CEP43: variants seen among roughly 807,000 people sequenced by gnomAD.
CEP43 encodes the protein FGFR1 oncogene partner.
In CEP43, 36 loss-of-function variants were observed where a neutral mutation model predicts 52.6. That is an observed-to-expected ratio of 0.68 (90% CI 0.52 to 0.90). The LOEUF is 0.90. Ranked by LOEUF, CEP43 falls within the 40% of genes least tolerant of loss-of-function variation. The pLI is 0.00. For missense variants in CEP43, 506 were observed against 472.8 expected (o/e 1.07, Z -0.65); for synonymous variants, 192 against 172.4 (o/e 1.11, Z -0.89).
Position 167,049,682 on chromosome 6 carries a change from G to C in CEP43, c.*9704G>C, listed in dbSNP as rs777412627. Reference sequence around the variant, plus strand: ...ACAGTGCTAAGCACATTCATATGCAGTGTTTGTGTAGATATATAATATGCT... The same window carrying C: ...ACAGTGCTAAGCACATTCATATGCACTGTTTGTGTAGATATATAATATGCT... On this transcript the variant is annotated 3_prime_UTR_variant, in exon 13 of 13. Transcript: ENST00000366847. 7.9e-5 allele frequency: 12 copies of C among 152,188 alleles called. No individual in the cohort carries two copies. Among genetic ancestry groups the C allele is most frequent in the Non-Finnish European group, 1.3e-4 (9 of 68,044 alleles). The allele number at this position is 152,188 out of a possible 1,614,324, so 9.4% of individuals were successfully genotyped here. A position where few individuals can be genotyped will look rare whatever the true frequency, so the allele number is the denominator to read the frequency against.
At chr6:167,003,625 C>A in intron 3 of CEP43, 98 bp from the exon 4 acceptor site, 5 of 684,584 alleles carry the variant, frequency 7.3e-6, no homozygotes, top group East Asian at 5.6e-5. Flanking sequence ...ATTTAGAAAC[C>A]TTTCTTCCAT....
Position 167,024,850 on chromosome 6 carries a change from G to A in CEP43, c.875G>A (p.Gly292Glu), listed in dbSNP as rs148535456. 1.5e-3 allele frequency: 2,355 copies of A among 1,612,234 alleles called. 4 individuals are homozygous for A. The highest frequency in any genetic ancestry group is 1.8e-3 in the Non-Finnish European group (2,072 of 1,178,824). The part of the protein sequence containing the change: ...SLSDAPPLKS[G>E]LSSLAGAPSL... ...TCGGATGCACCCCCCTTAAAAAGTG[G>A]ACTCAGCTCCCTGGCGGGAGCCCCT... The change falls in exon 9 of 13, where the codon GGA becomes GAA. Residue 292 changes from glycine to glutamate, a missense_variant. Coordinates refer to ENST00000366847, the MANE Select transcript of CEP43 (RefSeq NM_007045.4).
At chr6:167,039,199 G>A (rs1434124021) in intron 12 of CEP43, among the ~76,000 whole-genome samples, 5 of 151,854 alleles carry the variant, frequency 3.3e-5, no homozygotes, top group Admixed American at 1.3e-4. Flanking sequence ...GTGCAATTTC[G>A]GCTCACTCCA....
In CEP43 at chr6:167,041,256, G is replaced by A. The variant is rs555863991; in HGVS notation, c.*1278G>A. The A allele has an allele frequency of 9.5e-7, 1 of 1,048,192 alleles. No individual in the cohort carries two copies. Among genetic ancestry groups the A allele is most frequent in the South Asian group, 4.6e-5 (1 of 21,848 alleles). The allele number at this position is 1,048,192 out of a possible 1,614,324, so 64.9% of individuals were successfully genotyped here. On this transcript the variant is annotated 3_prime_UTR_variant, in exon 13 of 13. Coordinates refer to ENST00000366847, the MANE Select transcript of CEP43 (RefSeq NM_007045.4). ...TAAATATTACAGAAATTACTCCTTG[G>A]GCTCTAAAATGTAGAGGAAATGAAA...
intron 12 of CEP43, chr6:167,036,527 G>A (rs1027133395): frequency 4.1e-6 from 4 of 985,452 alleles, no homozygotes; most frequent in Non-Finnish European, 4.8e-6. Context: ...ACATAAGTGT[G>A]CATCCCAGGT....
intron 7 of CEP43, among the ~76,000 whole-genome samples, chr6:167,016,698 A>T (rs4710171): frequency 2.6e-3 from 393 of 152,096 alleles, no homozygotes; most frequent in Admixed American, 6.0e-3. Flanking sequence ...TCCCTGTCAC[A>T]CTCTCACACC....
Position 166,999,402 on chromosome 6 carries a change from G to A in CEP43, c.-11G>A. 6.8e-7 allele frequency: 1 copy of A among 1,465,408 alleles called. No homozygotes were observed. The highest frequency in any genetic ancestry group is 9.1e-7 in the Non-Finnish European group (1 of 1,104,588). 90.8% of individuals were successfully genotyped at this position (1,465,408 alleles called of 1,614,324 possible). ...TTAGCGCGGCTTCGGCGGTTGTCTT[G>A]GAGAAGCAAGATGGCGGCGACGGCG... On this transcript the variant is annotated 5_prime_UTR_variant, in exon 1 of 13. Coordinates refer to ENST00000366847, the MANE Select transcript of CEP43 (RefSeq NM_007045.4).
intron 5 of CEP43, among the ~76,000 whole-genome samples, chr6:167,007,647 G>C (rs1368341666): frequency 6.6e-6 from 1 of 152,140 alleles, no homozygotes; most frequent in Non-Finnish European, 1.5e-5. Context: ...TAAAAAATTA[G>C]AGCTTTTATT....
chr6:167,032,302 A>G (rs972411645), intron 10 of CEP43, among the ~76,000 whole-genome samples: 3 of 152,242 alleles, frequency 2.0e-5, no homozygotes, highest in South Asian at 2.1e-4. Flanking sequence ...TGCTATTGCT[A>G]TACGCCATTA....
intron 1 of CEP43, 165 bp downstream of exon 1, chr6:166,999,679 A>AG: frequency 4.1e-6 from 2 of 490,592 alleles, no homozygotes; most frequent in Non-Finnish European, 3.5e-6. Context: ...CGCCCCACAG[A>AG]GGGGGTCGGC....
chr6:167,041,697 C>T lies in CEP43; in HGVS notation c.*1719C>T, dbSNP rs1356860230. The T allele has an allele frequency of 2.9e-5, 30 of 1,039,382 alleles. No individual in the cohort carries two copies. Among genetic ancestry groups the T allele is most frequent in the Admixed American group, 2.3e-4 (4 of 17,756 alleles). 64.4% of individuals were successfully genotyped at this position (1,039,382 alleles called of 1,614,324 possible). ...TGGCTTTTTAAATTTATGAAACTTT[C>T]GAACAGTAGCAACTGAAATTTGTCA... On this transcript the variant is annotated 3_prime_UTR_variant, in exon 13 of 13. Transcript: ENST00000366847.
At chr6:167,016,585 A>G (rs1339558099) in intron 7 of CEP43, among the ~76,000 whole-genome samples, 1 of 152,182 alleles carries the variant, frequency 6.6e-6, no homozygotes, top group African/African-American at 2.4e-5. Flanking sequence ...TTTTAAAACT[A>G]ACATGTATTG....
chr6:167,045,365 C>CCA lies in CEP43; in HGVS notation c.*5388_*5389insAC, dbSNP rs1554277478. 6.6e-6 allele frequency: 1 copy of CCA among 151,382 alleles called. No individual in the cohort carries two copies. Among genetic ancestry groups the CCA allele is most frequent in the East Asian group, 2.0e-4 (1 of 5,022 alleles). 9.4% of individuals were successfully genotyped at this position (151,382 alleles called of 1,614,324 possible). A position where few individuals can be genotyped will look rare whatever the true frequency, so the allele number is the denominator to read the frequency against. On this transcript the variant is annotated 3_prime_UTR_variant, in exon 13 of 13. Coordinates refer to ENST00000366847, the MANE Select transcript of CEP43 (RefSeq NM_007045.4). ...GTGATCCGCACCCCTCCCCGCCCCC[C>CCA]CCGCGGCCCAGCCTCCCAAAGTGCT...
chr6:167,004,453 T>C, intron 5 of CEP43, 52 bp downstream of exon 5: 2 of 1,514,354 alleles, frequency 1.3e-6, no homozygotes, highest in Non-Finnish European at 8.9e-7. Flanking sequence ...GGCTGCTTAG[T>C]TTAGCCATGC....
chr6:167,022,267 C>CACAT (rs1780252751), intron 7 of CEP43, 142 bp from the exon 8 acceptor site: 2 of 596,682 alleles, frequency 3.4e-6, no homozygotes, highest in Non-Finnish European at 2.9e-6. Flanking sequence ...CCAACACACA[C>CACAT]ACACACACAC....
chr6:167,034,660 G>A (rs1030723913), intron 12 of CEP43, among the ~76,000 whole-genome samples: 3 of 151,908 alleles, frequency 2.0e-5, no homozygotes, highest in Non-Finnish European at 2.9e-5. Context: ...TTGTCACACA[G>A]GGAGAAGGCC....
Position 167,048,759 on chromosome 6 carries a change from A to G in CEP43, c.*8781A>G, listed in dbSNP as rs1029296249. 2.6e-5 allele frequency: 4 copies of G among 152,232 alleles called. No individual in the cohort carries two copies. Among genetic ancestry groups the G allele is most frequent in the African/African-American group, 9.6e-5 (4 of 41,464 alleles). 9.4% of individuals were successfully genotyped at this position (152,232 alleles called of 1,614,324 possible). A position where few individuals can be genotyped will look rare whatever the true frequency, so the allele number is the denominator to read the frequency against. On this transcript the variant is annotated 3_prime_UTR_variant, in exon 13 of 13. Transcript: ENST00000366847. The stretch of plus-strand genomic sequence containing the variant: ...AAATAACATAAAACTGTAATATGCC[A>G]TTATGATGACATTAATGAAAAATTG...
intron 5 of CEP43, among the ~76,000 whole-genome samples, chr6:167,009,788 A>C (rs1779945301): frequency 6.6e-6 from 1 of 152,018 alleles, no homozygotes; most frequent in Non-Finnish European, 1.5e-5. Flanking sequence ...GTGAGCCGAG[A>C]TCGCACCACT....
intron 5 of CEP43, 42 bp from the exon 6 acceptor site, chr6:167,010,771 T>G (rs1779967123): frequency 9.4e-7 from 1 of 1,059,652 alleles, no homozygotes; most frequent in Non-Finnish European, 1.3e-6. Context: ...TATTTGTGTT[T>G]TATTTTTAAA....
Sources: gnomAD v4.1 joint callset for allele counts (sites outside exome capture counted in the v4.1 genomes callset) on GRCh38, gnomAD v4.1.1 for gene constraint, MANE v1.5 for transcripts, NCBI Gene and HGNC (gene_info 2026-07-23, HGNC 2026-07-21) for gene names.